The following ZMYND11 variants were observed in gnomAD, a reference collection of about 807,000 sequenced individuals.
ZMYND11 encodes the protein zinc finger MYND domain-containing protein 11.
ZMYND11 carries 9 observed loss-of-function variants against 84.9 expected under a neutral mutation model. The ratio of observed to expected loss-of-function variants is 0.11; its 90% CI spans 0.06 to 0.18. The LOEUF (loss-of-function observed/expected upper bound fraction) is 0.18. Ranked by LOEUF, ZMYND11 falls within the 10% of genes least tolerant of loss-of-function variation. The pLI is 1.00. For missense variants in ZMYND11, 409 were observed against 761.0 expected (o/e 0.54, Z 5.44); for synonymous variants, 250 against 244.1 (o/e 1.02, Z -0.23).
intron 1 of ZMYND11, among the ~76,000 whole-genome samples, chr10:137,270 T>C (rs1167712147): frequency 6.6e-6 from 1 of 152,020 alleles, no homozygotes; most frequent in Non-Finnish European, 1.5e-5. Context: ...GTGTCAAGAA[T>C]GTGAGCCTGG....
At chr10:203,895 A>T (rs1943680885) in intron 2 of ZMYND11, among the ~76,000 whole-genome samples, 1 of 152,194 alleles carries the variant, frequency 6.6e-6, no homozygotes, top group African/African-American at 2.4e-5. Context: ...TTTTTTAAAA[A>T]AATGTAATAT....
rs75814629 is a variant in ZMYND11 at position 140,864 on chromosome 10, A to C, written c.-20+5305A>C. ...TCATTTAATGTTGGTAACATCTGCA[A>C]ATGTCCAGAGTGTTTGCTTCATAAA... On this transcript the variant is annotated intron_variant, in intron 1 of 14. Coordinates refer to ENST00000381604, the MANE Select transcript of ZMYND11 (RefSeq NM_001370100.5). Among the ~76,000 whole-genome samples the C allele has an allele frequency of 2.8e-3, 425 of 152,364 alleles. 1 individual carries two copies. The highest frequency in any genetic ancestry group is 1.0e-2 in the African/African-American group (414 of 41,584).
chr10:154,042 A>G (rs1841071724), intron 1 of ZMYND11, among the ~76,000 whole-genome samples: 1 of 152,180 alleles, frequency 6.6e-6, no homozygotes, highest in South Asian at 2.1e-4. Context: ...GCTTCACAAC[A>G]TTGCTGTTCA....
At chr10:245,928 C>A (rs73583783) in intron 10 of ZMYND11, among the ~76,000 whole-genome samples, 1 of 152,000 alleles carries the variant, frequency 6.6e-6, no homozygotes, top group East Asian at 1.9e-4. Flanking sequence ...GCATCTCTTG[C>A]CGCTGTCAAA....
chr10:146,480 C>T (rs567354427), intron 1 of ZMYND11, among the ~76,000 whole-genome samples: 34 of 152,222 alleles, frequency 2.2e-4, no homozygotes, highest in South Asian at 4.1e-4. Flanking sequence ...TTCACAATAT[C>T]GATTTTTCCA....
upstream of ZMYND11, among the ~76,000 whole-genome samples, chr10:134,313 A>C (rs143106235): frequency 1.1e-4 from 16 of 152,334 alleles, no homozygotes; most frequent in African/African-American, 3.6e-4. Flanking sequence ...ACTCTGACTG[A>C]CAGGTGTTCC....
At chr10:200,112 T>C (rs1369916217) in intron 2 of ZMYND11, among the ~76,000 whole-genome samples, 1 of 151,442 alleles carries the variant, frequency 6.6e-6, no homozygotes, top group Admixed American at 6.6e-5. Flanking sequence ...CATTTCTTTT[T>C]CTAAAACACT....
chr10:241,630 C>T (rs888934140), intron 9 of ZMYND11, among the ~76,000 whole-genome samples: 4 of 152,228 alleles, frequency 2.6e-5, no homozygotes, highest in Non-Finnish European at 5.9e-5. Context: ...CATTCTTGGC[C>T]GGCAGCCTTG....
At chr10:241,327 GCCA>G (rs1378041290) in intron 9 of ZMYND11, among the ~76,000 whole-genome samples, 3 of 151,986 alleles carry the variant, frequency 2.0e-5, no homozygotes, top group South Asian at 4.2e-4. Context: ...ACAGGCACAC[GCCA>G]CCACACCTGG....
intron 9 of ZMYND11, 51 bp downstream of exon 9, chr10:241,021 T>G (rs1398067954): frequency 2.1e-6 from 3 of 1,411,080 alleles, no homozygotes; most frequent in Non-Finnish European, 3.0e-6. Flanking sequence ...TAAGGAAGTT[T>G]ATTTCCAGTT....
chr10:187,685 C>T (rs775990054), intron 2 of ZMYND11, among the ~76,000 whole-genome samples: 2 of 150,798 alleles, frequency 1.3e-5, no homozygotes, highest in African/African-American at 2.4e-5. Context: ...CAAGCTCCAA[C>T]ATTTTGGCAT....
intron 12 of ZMYND11, 140 bp from the exon 13 acceptor site, chr10:248,196 C>A: frequency 1.9e-6 from 2 of 1,049,804 alleles, no homozygotes; most frequent in Non-Finnish European, 2.7e-6. Flanking sequence ...TGACATCTAC[C>A]ACCCTAACTA....
chr10:235,958 T>C (rs1191797293), intron 4 of ZMYND11, among the ~76,000 whole-genome samples: 1 of 152,260 alleles, frequency 6.6e-6, no homozygotes, highest in Non-Finnish European at 1.5e-5. Context: ...TTTCCTCTAC[T>C]GTATTTAGTG....
intron 2 of ZMYND11, among the ~76,000 whole-genome samples, chr10:196,302 T>C (rs1941731586): frequency 6.6e-6 from 1 of 152,224 alleles, no homozygotes; most frequent in African/African-American, 2.4e-5. Flanking sequence ...AGTATTGTTG[T>C]AAGTAGAATT....
intron 3 of ZMYND11, among the ~76,000 whole-genome samples, chr10:216,538 T>C (rs1049732447): frequency 6.6e-6 from 1 of 152,174 alleles, no homozygotes; most frequent in African/African-American, 2.4e-5. Flanking sequence ...TACAACTTAC[T>C]CTATTTACGT....
chr10:227,818 C>T (rs901961251), intron 4 of ZMYND11, among the ~76,000 whole-genome samples: 2 of 152,016 alleles, frequency 1.3e-5, no homozygotes, highest in Non-Finnish European at 2.9e-5. Flanking sequence ...AATATTTTCA[C>T]CCCAAATGTA....
At chr10:139,263 C>G (rs1194039824) in intron 1 of ZMYND11, among the ~76,000 whole-genome samples, 2 of 152,104 alleles carry the variant, frequency 1.3e-5, no homozygotes, top group Non-Finnish European at 2.9e-5. Context: ...TCCATAACTG[C>G]TTCAGGTTGC....
chr10:147,863 C>T (rs1253865647), intron 1 of ZMYND11: 2 of 152,034 alleles, frequency 1.3e-5, no homozygotes, highest in Non-Finnish European at 2.9e-5. Flanking sequence ...AATGTCTGGG[C>T]ATTCTGGTAA....
At chr10:226,297 AGT>A (rs1472472104) in intron 4 of ZMYND11, among the ~76,000 whole-genome samples, 2 of 152,216 alleles carry the variant, frequency 1.3e-5, no homozygotes, top group Non-Finnish European at 2.9e-5. Flanking sequence ...AATATCTGAT[AGT>A]GTTGCTTTTG....
Sources: gnomAD v4.1 joint callset for allele counts (sites outside exome capture counted in the v4.1 genomes callset) on GRCh38, gnomAD v4.1.1 for gene constraint, MANE v1.5 for transcripts, NCBI Gene and HGNC (gene_info 2026-07-23, HGNC 2026-07-21) for gene names.